The following ZFC3H1 variants were observed in gnomAD, a reference collection of about 807,000 sequenced individuals.
ZFC3H1 encodes zinc finger C3H1 domain-containing protein.
ZFC3H1 carries 71 observed loss-of-function variants against 243.7 expected under a neutral mutation model. That is an observed-to-expected ratio of 0.29 (90% CI 0.24 to 0.36). The LOEUF (loss-of-function observed/expected upper bound fraction) is 0.36, where lower values mean the gene tolerates loss of function less well. Ranked by LOEUF, ZFC3H1 falls within the 10% of genes least tolerant of loss-of-function variation. The probability of loss-of-function intolerance (pLI) is 1.00; values close to 1 mark genes in which losing one functional copy is unlikely to be tolerated. For missense variants in ZFC3H1, 1,966 were observed against 2,317.1 expected, an observed-to-expected ratio of 0.85 and a Z score of 3.11; for synonymous variants, 838 against 813.0, an observed-to-expected ratio of 1.03 and a Z score of -0.52.
rs1350544003 is a variant in ZFC3H1, at chr12:71,627,873, A to G, written c.4008T>C (p.Asp1336=). The part of the protein sequence containing the change: ...PALDTVVTPD[D]VRYFTNETDD... ...CAGTCTCATTTGTAAAGTATCTGAC[A>G]TCATCTGGAGTGACAACTGTATCCA... Residue 1336 remains aspartate, a synonymous_variant, in exon 21 of 35, where the codon GAT becomes GAC. Transcript: ENST00000378743. 1.9e-6 allele frequency: 3 copies of G among 1,613,706 alleles called. No individual in the cohort carries two copies. In the African/African-American group the frequency reaches 4.0e-5, roughly 22 times the overall value.
At chr12:71,629,414 A>G (rs1250993684) in intron 19 of ZFC3H1, among the ~76,000 whole-genome samples, 195 bp downstream of exon 19, 1 of 152,080 alleles carries the variant, frequency 6.6e-6, no homozygotes, top group Non-Finnish European at 1.5e-5. Flanking sequence ...TGATCAGCCC[A>G]CCTCAGCCTC....
rs554047515 is a variant in ZFC3H1, at chr12:71,663,162, G to A, written c.449C>T (p.Pro150Leu). 1 of 1,614,090 alleles carries A rather than the reference G, an allele frequency of 6.2e-7. No homozygotes were observed. The highest frequency in any genetic ancestry group is 1.3e-5 in the African/African-American group (1 of 75,054). The change falls in exon 1 of 35, where the codon CCT becomes CTT. Residue 150 changes from proline (P) to leucine (L), a missense_variant. Physicochemically the swap from Pro to Leu is moderately conservative, Grantham distance 98. Around this residue, in one of 4 missense-constraint regions of ZFC3H1, gnomAD observed 484 missense variants for 449.7 expected, o/e 1.08. Coordinates refer to ENST00000378743, the MANE Select transcript of ZFC3H1 (RefSeq NM_144982.5). ...ALDRFRFRGR[P>L]YRGGSRWSRG... is the part of the protein sequence containing the mutation. ...ACTCCAGCGACTCCCACCCCGGTAAGGCCTGCCTCGAAAGCGGAAACGGTC... is the reference window on the plus strand; with the variant it reads ...ACTCCAGCGACTCCCACCCCGGTAAAGCCTGCCTCGAAAGCGGAAACGGTC...
At chr12:71,627,079 G>A (rs953606390) in intron 21 of ZFC3H1, among the ~76,000 whole-genome samples, 3 of 151,592 alleles carry the variant, frequency 2.0e-5, no homozygotes, top group African/African-American at 4.9e-5. Flanking sequence ...CTGCAGCACT[G>A]CCTTATTTAA....
chr12:71,648,596 C>T (rs965225264), intron 2 of ZFC3H1, among the ~76,000 whole-genome samples: 1 of 152,248 alleles, frequency 6.6e-6, no homozygotes, highest in East Asian at 1.9e-4. Flanking sequence ...TAACACCACA[C>T]CTGTCAATGT....
rs1880689062 is a variant in ZFC3H1, at chr12:71,644,885, C to T, written c.1271G>A (p.Ser424Asn). The change falls in exon 4 of 35, where the codon AGC becomes AAC. Residue 424 changes from serine (S) to asparagine (N), a missense_variant. By Grantham distance (46) the Ser-to-Asn change is conservative (BLOSUM62 1). This residue lies in a region of ZFC3H1 where 91 missense variants were observed against 107.6 expected (regional missense o/e 0.85). Transcript: ENST00000378743. ...STKTHSAKKV[S>N]TTAKQALRKQ... ...TTAATAAAAATGATCACCTGTAGTGCTAACTTTTTTGGCCGAATGTGTTTT... is the reference window on the plus strand; with the variant it reads ...TTAATAAAAATGATCACCTGTAGTGTTAACTTTTTTGGCCGAATGTGTTTT... The T allele has an allele frequency of 6.2e-7, 1 of 1,610,916 alleles. No homozygotes were observed. The highest frequency in any genetic ancestry group is 8.5e-7 in the Non-Finnish European group (1 of 1,179,744).
At chr12:71,626,237 C>CACAT (rs397747312) in intron 22 of ZFC3H1, 23 bp downstream of exon 22, 9 of 1,608,912 alleles carry the variant, frequency 5.6e-6, no homozygotes, top group Non-Finnish European at 7.6e-6. Context: ...CACACACACA[C>CACAT]GTACGTTATC....
Position 71,634,718 on chromosome 12 carries a change from C to T in ZFC3H1, c.2346G>A (p.Lys782=). 1.3e-6 allele frequency: 2 copies of T among 1,590,718 alleles called. No individual in the cohort carries two copies. Among genetic ancestry groups the T allele is most frequent in the East Asian group, 2.3e-5 (1 of 44,232 alleles). The stretch of plus-strand genomic sequence containing the variant: ...ATTACACTTACTTGGCAATCTCTTC[C>T]TTTAACAATCTATATTCAATCTTCT... ...EEKKIEYRLL[K]EEIANREKQR... is the part of the protein sequence containing the mutation. Residue 782 remains lysine, a synonymous_variant, in exon 11 of 35, where the codon AAG becomes AAA. Coordinates refer to ENST00000378743, the MANE Select transcript of ZFC3H1 (RefSeq NM_144982.5).
chr12:71,623,182 T>C (rs1370281366), intron 24 of ZFC3H1, among the ~76,000 whole-genome samples, 178 bp downstream of exon 24: 1 of 152,212 alleles, frequency 6.6e-6, no homozygotes, highest in African/African-American at 2.4e-5. Flanking sequence ...AAGATGCCAG[T>C]GTCCATCTTC....
Position 71,632,027 on chromosome 12 carries a change from T to C in ZFC3H1, c.3305A>G (p.Lys1102Arg). The change falls in exon 15 of 35, where the codon AAA becomes AGA. Residue 1102 changes from lysine (K) to arginine (R), a missense_variant. Lys to Arg is a conservative substitution (Grantham distance 26). Around this residue, in one of 4 missense-constraint regions of ZFC3H1, gnomAD observed 1,383 missense variants for 1,723.7 expected, o/e 0.80. Coordinates refer to ENST00000378743, the MANE Select transcript of ZFC3H1 (RefSeq NM_144982.5). ...TGTGGTGGTTTTTAAAATCAGCTGT[T>C]TTAGGCTGTCAGCTTTTGAATACAA... ...QKLYSKADSL[K>R]QLILKTTTGI... The C allele has an allele frequency of 6.2e-7, 1 of 1,608,172 alleles. No individual in the cohort carries two copies. Among genetic ancestry groups the C allele is most frequent in the South Asian group, 1.1e-5 (1 of 90,178 alleles).
At chr12:71,621,673 A>C (rs893828931) in intron 24 of ZFC3H1, among the ~76,000 whole-genome samples, 10 of 152,016 alleles carry the variant, frequency 6.6e-5, no homozygotes, top group African/African-American at 2.2e-4. Flanking sequence ...ACAATCACAA[A>C]TACTACTCCT....
chr12:71,637,252 C>G (rs1271579810), intron 7 of ZFC3H1, among the ~76,000 whole-genome samples, 193 bp from the exon 8 acceptor site: 5 of 151,742 alleles, frequency 3.3e-5, no homozygotes, highest in African/African-American at 1.2e-4. Context: ...GTTATTTTTA[C>G]AATTTTAAAA....
rs563833802 is a variant in ZFC3H1, at chr12:71,611,105, A to G, written c.5730-8T>C. 3.1e-6 allele frequency: 2 copies of G among 643,388 alleles called. No homozygotes were observed. Among genetic ancestry groups the G allele is most frequent in the Admixed American group, 1.3e-4 (2 of 15,490 alleles). 39.9% of individuals were successfully genotyped at this position (643,388 alleles called of 1,614,324 possible). A position where few individuals can be genotyped will look rare whatever the true frequency, so the allele number is the denominator to read the frequency against. Reference sequence around the variant, plus strand: ...ATCTCAGCAGCAATGGCTCTAAGAGAAAAAAAAAAAAAAAGAAATATAGAA... The same window carrying G: ...ATCTCAGCAGCAATGGCTCTAAGAGGAAAAAAAAAAAAAAGAAATATAGAA... On this transcript the variant is annotated splice_region_variant and splice_polypyrimidine_tract_variant and intron_variant, in intron 32 of 34. Transcript: ENST00000378743.
At position 71,623,439 on chromosome 12, in the gene ZFC3H1, G is replaced by T; in HGVS notation, c.4665C>A (p.Asn1555Lys). ...GCCATGGCATTACAAATGATTCAGT[G>T]TTAACAATTCTTGAAGGATTATCAT... ...PSNDNPSRIV[N>K]TESFVMPWQA... is the part of the protein sequence containing the mutation. Residue 1555 changes from asparagine to lysine, a missense_variant, in exon 24 of 35, where the codon AAC (asparagine) becomes AAA (lysine). Physicochemically the swap from Asn to Lys is moderately conservative, Grantham distance 94 (BLOSUM62 0). Transcript: ENST00000378743. 1 of 1,613,704 alleles carries T rather than the reference G, an allele frequency of 6.2e-7. No homozygotes were observed. The highest frequency in any genetic ancestry group is 8.5e-7 in the Non-Finnish European group (1 of 1,179,838).
chr12:71,636,425 G>T, intron 9 of ZFC3H1, 65 bp downstream of exon 9: 1 of 1,502,234 alleles, frequency 6.7e-7, no homozygotes, highest in Non-Finnish European at 9.0e-7. Context: ...AAACAGGACA[G>T]CTAAACTTCA....
Position 71,630,728 on chromosome 12 carries a change from T to TA in ZFC3H1, c.3603-8dup, listed in dbSNP as rs555594064. The TA allele has an allele frequency of 1.3e-3, 2,006 of 1,593,786 alleles. 3 individuals are homozygous for TA. Among genetic ancestry groups the TA allele is most frequent in the Non-Finnish European group, 1.4e-3 (1,676 of 1,170,746 alleles). On this transcript the variant is annotated splice_polypyrimidine_tract_variant and splice_region_variant and intron_variant, in intron 17 of 34. Transcript: ENST00000378743. ...ATAGTCTTGTATATGCTGCCTAAGA[T>TA]AAAAAAAAACACAGAAAAGATAATC...
At chr12:71,656,381 CA>C (rs1249951065) in intron 2 of ZFC3H1, 6 of 482,896 alleles carry the variant, frequency 1.2e-5, no homozygotes, top group Non-Finnish European at 2.2e-5. Context: ...TAAACGCAAG[CA>C]TACAAGGGTG....
chr12:71,645,627 C>T lies in ZFC3H1; in HGVS notation c.1081-552G>A, dbSNP rs189868321. Among the ~76,000 whole-genome samples, 683 of 152,226 alleles carry T rather than the reference C, an allele frequency of 4.5e-3. 3 individuals carry two copies. The highest frequency in any genetic ancestry group is 6.5e-3 in the Non-Finnish European group (442 of 68,016). On this transcript the variant is annotated intron_variant, in intron 3 of 34. Coordinates refer to ENST00000378743, the MANE Select transcript of ZFC3H1 (RefSeq NM_144982.5). ...GAAGGGAAAAATCTATAGAGATTTGCTTACAGCTGACTGTTATGTGTTCTA... is the reference window on the plus strand; with the variant it reads ...GAAGGGAAAAATCTATAGAGATTTGTTTACAGCTGACTGTTATGTGTTCTA...
intron 2 of ZFC3H1, among the ~76,000 whole-genome samples, chr12:71,651,912 G>A (rs1254534485): frequency 6.6e-6 from 1 of 152,162 alleles, no homozygotes; most frequent in Non-Finnish European, 1.5e-5. Context: ...CCATGAACAA[G>A]ACAGTCGTTA....
chr12:71,661,354 C>T (rs1881170660), intron 1 of ZFC3H1, among the ~76,000 whole-genome samples: 1 of 151,974 alleles, frequency 6.6e-6, no homozygotes, highest in Non-Finnish European at 1.5e-5. Flanking sequence ...CTTAAATAGC[C>T]TTTCTGGCTT....
Sources: gnomAD v4.1 joint callset for allele counts (sites outside exome capture counted in the v4.1 genomes callset) on GRCh38, gnomAD v4.1.1 for gene constraint, gnomAD v4.1.1 regional missense constraint, MANE v1.5 for transcripts, NCBI Gene and HGNC (gene_info 2026-07-23, HGNC 2026-07-21) for gene names.